The following ADAM18 variants were observed in gnomAD, a reference collection of about 807,000 sequenced individuals.
The protein encoded by ADAM18 is ADAM metallopeptidase domain 18.
Under a neutral mutation model 94.4 loss-of-function variants are expected in ADAM18, and 117 were observed. The ratio of observed to expected loss-of-function variants is 1.24; its 90% CI spans 1.07 to 1.45. The LOEUF is 1.45. Among genes scored for constraint, ADAM18 ranks in the 40% most tolerant of loss-of-function variants. The pLI, the probability that ADAM18 is intolerant of heterozygous loss-of-function variation, is 0.00. For synonymous variants in ADAM18, 327 were observed against 291.6 expected, an observed-to-expected ratio of 1.12 and a Z score of -1.24; for missense variants, 936 against 880.0, an observed-to-expected ratio of 1.06 and a Z score of -0.81.
chr8:39,668,812 C>CAT lies in ADAM18; in HGVS notation c.1525+626_1525+627dup, dbSNP rs1261388852. The stretch of plus-strand genomic sequence containing the variant: ...CAGATCAAAATTACCCAGTGAAATG[C>CAT]ATATATATATAATTATTTTCTAGTT... On this transcript the variant is annotated intron_variant, in intron 14 of 19. Transcript: ENST00000265707. Among the ~76,000 whole-genome samples the CAT allele has an allele frequency of 5.3e-5, 8 of 151,966 alleles. 1 individual carries two copies. The highest frequency in any genetic ancestry group is 1.4e-4 in the African/African-American group (6 of 41,456).
intron 6 of ADAM18, among the ~76,000 whole-genome samples, chr8:39,618,149 T>C (rs116780777): frequency 6.6e-6 from 1 of 152,166 alleles, no homozygotes; most frequent in Non-Finnish European, 1.5e-5. Context: ...TATTGTGGGA[T>C]CTGGCCAGCA....
At chr8:39,697,554 A>G (rs1409659333) in intron 17 of ADAM18, among the ~76,000 whole-genome samples, 3 of 151,810 alleles carry the variant, frequency 2.0e-5, no homozygotes, top group African/African-American at 7.2e-5. Flanking sequence ...AACATCAGAA[A>G]CACAATAATT....
At chr8:39,615,933 A>G (rs544747234) in intron 6 of ADAM18, among the ~76,000 whole-genome samples, 1 of 152,354 alleles carries the variant, frequency 6.6e-6, no homozygotes, top group African/African-American at 2.4e-5. Flanking sequence ...ACTGAGGGGC[A>G]AATCAAGAAC....
At chr8:39,691,328 G>C (rs919689271) in intron 16 of ADAM18, among the ~76,000 whole-genome samples, 3 of 152,076 alleles carry the variant, frequency 2.0e-5, no homozygotes, top group African/African-American at 7.2e-5. Flanking sequence ...AGTAACCCAT[G>C]TTAGCGAGAA....
intron 6 of ADAM18, among the ~76,000 whole-genome samples, chr8:39,623,761 T>C (rs1020894061): frequency 2.6e-5 from 4 of 152,056 alleles, no homozygotes; most frequent in African/African-American, 9.7e-5. Flanking sequence ...CATGCCCGGC[T>C]AATTTTTTGT....
chr8:39,633,551 T>C (rs911639553), intron 7 of ADAM18, among the ~76,000 whole-genome samples: 1 of 151,974 alleles, frequency 6.6e-6, no homozygotes, highest in Non-Finnish European at 1.5e-5. Context: ...GTCCAAGGTA[T>C]TGGAAATTGG....
At chr8:39,719,480 G>A (rs951000177) in intron 18 of ADAM18, among the ~76,000 whole-genome samples, 6 of 151,156 alleles carry the variant, frequency 4.0e-5, no homozygotes, top group African/African-American at 1.5e-4. Context: ...AAAAAAATTA[G>A]GACTTTTGCT....
chr8:39,671,137 T>C (rs941050234), intron 14 of ADAM18, among the ~76,000 whole-genome samples: 16 of 152,332 alleles, frequency 1.1e-4, no homozygotes, highest in African/African-American at 3.6e-4. Flanking sequence ...CTACTAACAG[T>C]TGGTAATGAG....
intron 6 of ADAM18, among the ~76,000 whole-genome samples, chr8:39,612,815 A>T (rs1585898047): frequency 6.6e-6 from 1 of 152,114 alleles, no homozygotes; most frequent in South Asian, 2.1e-4. Flanking sequence ...TCATCAGCAG[A>T]CCCTGCCTAA....
rs866567982 is a variant in ADAM18, at chr8:39,722,217, G to A, written c.2018-1531G>A. The stretch of plus-strand genomic sequence containing the variant: ...TGTGTGTGTGTGTGTGTGTGTGTGT[G>A]TATATATATATATATATATATATAT... On this transcript the variant is annotated intron_variant, in intron 18 of 19. Coordinates refer to ENST00000265707, the MANE Select transcript of ADAM18 (RefSeq NM_014237.3). Among the ~76,000 whole-genome samples, 477 of 91,512 alleles carry A rather than the reference G, an allele frequency of 5.2e-3. 5 individuals carry two copies. Among genetic ancestry groups the A allele is most frequent in the African/African-American group, 0.024 (449 of 18,754 alleles). 60.0% of individuals were successfully genotyped at this position (91,512 alleles called of 152,430 possible). A position where few individuals can be genotyped will look rare whatever the true frequency, so the allele number is the denominator to read the frequency against.
intron 10 of ADAM18, among the ~76,000 whole-genome samples, chr8:39,642,395 T>C (rs1820261134): frequency 6.6e-6 from 1 of 152,144 alleles, no homozygotes; most frequent in Non-Finnish European, 1.5e-5. Flanking sequence ...GTTTTGAGTT[T>C]TACATTTAAG....
At chr8:39,698,049 G>A (rs1180480185) in intron 17 of ADAM18, among the ~76,000 whole-genome samples, 3 of 151,482 alleles carry the variant, frequency 2.0e-5, no homozygotes, top group African/African-American at 2.4e-5. Flanking sequence ...TAATCCTTTT[G>A]GGATTAAATT....
At chr8:39,590,365 C>T (rs1818536182) in intron 2 of ADAM18, among the ~76,000 whole-genome samples, 1 of 152,110 alleles carries the variant, frequency 6.6e-6, no homozygotes, top group Admixed American at 6.5e-5. Flanking sequence ...TATTCTCACT[C>T]ATAGGTGGGA....
intron 12 of ADAM18, among the ~76,000 whole-genome samples, chr8:39,651,719 A>G (rs1820544401): frequency 6.6e-6 from 1 of 152,200 alleles, no homozygotes. Flanking sequence ...ACTTCTTTCT[A>G]CATAGACACA....
intron 18 of ADAM18, among the ~76,000 whole-genome samples, chr8:39,713,841 G>A (rs115959355): frequency 0.031 from 4,679 of 152,240 alleles, 243 homozygotes; most frequent in African/African-American, 0.1. Flanking sequence ...CACTTTTGGT[G>A]GGAGCATAAA....
chr8:39,609,856 T>C (rs1337425509), intron 5 of ADAM18, among the ~76,000 whole-genome samples: 1 of 152,140 alleles, frequency 6.6e-6, no homozygotes, highest in African/African-American at 2.4e-5. Flanking sequence ...CAAATAGTTA[T>C]GGAAAATGGC....
Position 39,629,355 on chromosome 8 carries a change from CGTT to C in ADAM18, c.523-9_523-7del, listed in dbSNP as rs779098847. On this transcript the variant is annotated splice_polypyrimidine_tract_variant and intron_variant, in intron 6 of 19. Transcript: ENST00000265707. ...ATACATGTTAACATTTTATAAATCCCGTTGTTGTTGTTTTCCAGATAAAAAATC... is the reference window on the plus strand; with the variant it reads ...ATACATGTTAACATTTTATAAATCCCGTTGTTGTTTTCCAGATAAAAAATC... The C allele has an allele frequency of 2.7e-5, 41 of 1,527,176 alleles. No homozygotes were observed. Among genetic ancestry groups the C allele is most frequent in the African/African-American group, 2.0e-4 (14 of 71,268 alleles). The allele number at this position is 1,527,176 out of a possible 1,614,324, so 94.6% of individuals were successfully genotyped here.
chr8:39,603,117 A>T (rs367659431), intron 2 of ADAM18, among the ~76,000 whole-genome samples: 1 of 152,220 alleles, frequency 6.6e-6, no homozygotes, highest in African/African-American at 2.4e-5. Context: ...ATCACCGTCA[A>T]TTGAAATGAC....
At chr8:39,708,373 A>C (rs576084507) in intron 18 of ADAM18, among the ~76,000 whole-genome samples, 83 of 152,362 alleles carry the variant, frequency 5.4e-4, no homozygotes, top group South Asian at 6.2e-4. Context: ...CTCATATAGA[A>C]TTATAAAAAC....
Sources: allele counts gnomAD v4.1 joint callset (sites outside exome capture counted in the v4.1 genomes callset), GRCh38; gene constraint gnomAD v4.1.1; transcripts MANE v1.5; gene names NCBI Gene and HGNC (gene_info 2026-07-23, HGNC 2026-07-21).